The following RRAS2 variants were observed in gnomAD, a reference collection of about 807,000 sequenced individuals.
RRAS2 encodes the protein RAS related 2.
RRAS2 carries 7 observed loss-of-function variants against 27.6 expected under a neutral mutation model. That is an observed-to-expected ratio of 0.25 (90% CI 0.14 to 0.48). RRAS2 has a LOEUF of 0.48. RRAS2 is among the 20% of genes least tolerant of loss of function. The pLI is 0.99. For missense variants in RRAS2, 178 were observed against 256.2 expected (o/e 0.69, Z 2.08); for synonymous variants, 86 against 90.9 (o/e 0.95, Z 0.31).
chr11:14,339,993 C>T (rs1848668363), intron 1 of RRAS2, among the ~76,000 whole-genome samples: 1 of 151,638 alleles, frequency 6.6e-6, no homozygotes. Flanking sequence ...GTGGTGCAGG[C>T]CAGTGGTCCC....
rs532206034 is a variant in RRAS2, at chr11:14,348,700, A to G, written c.108+10063T>C. On this transcript the variant is annotated intron_variant, in intron 1 of 5. Coordinates refer to ENST00000256196, the MANE Select transcript of RRAS2 (RefSeq NM_012250.6). The stretch of plus-strand genomic sequence containing the variant: ...TCCCCATCATTTTACCTTTTTGAGC[A>G]CTCCCTTATGAGACTACAAGATGCT... Among the ~76,000 whole-genome samples the G allele has an allele frequency of 2.0e-5, 3 of 151,850 alleles. No individual in the cohort carries two copies. The East Asian group carries it at 5.8e-4, about 29-fold the overall frequency.
chr11:14,342,733 T>A (rs1554953432), intron 1 of RRAS2, among the ~76,000 whole-genome samples: 1 of 152,222 alleles, frequency 6.6e-6, no homozygotes, highest in East Asian at 1.9e-4. Context: ...CCTAGTTTCA[T>A]TATCTAGATA....
chr11:14,364,208 T>A (rs148223307), intron 1 of RRAS2, among the ~76,000 whole-genome samples: 1 of 152,212 alleles, frequency 6.6e-6, no homozygotes, highest in Admixed American at 6.5e-5. Context: ...TCATAATCTT[T>A]ACAAACCAAT....
intron 1 of RRAS2, among the ~76,000 whole-genome samples, chr11:14,340,605 T>C (rs990151094): frequency 1.3e-5 from 2 of 152,154 alleles, no homozygotes; most frequent in Admixed American, 6.5e-5. Context: ...AACTAAACCA[T>C]GCTAGAAGCA....
intron 1 of RRAS2, among the ~76,000 whole-genome samples, chr11:14,310,712 T>C: frequency 6.6e-6 from 1 of 152,182 alleles, no homozygotes; most frequent in Non-Finnish European, 1.5e-5. Flanking sequence ...TCAAAGAGGA[T>C]GCTAATAATA....
chr11:14,291,522 T>C (rs1243781827), intron 4 of RRAS2, among the ~76,000 whole-genome samples: 2 of 152,206 alleles, frequency 1.3e-5, no homozygotes, highest in East Asian at 1.9e-4. Context: ...CTTTTCAAGA[T>C]ATACATAATT....
At chr11:14,281,526 T>C in intron 5 of RRAS2, 76 bp downstream of exon 5, 2 of 1,194,602 alleles carry the variant, frequency 1.7e-6, no homozygotes, top group Non-Finnish European at 2.3e-6. Flanking sequence ...AGGAATCACT[T>C]CCATATAAAA....
chr11:14,288,725 T>A (rs548221737), intron 4 of RRAS2, among the ~76,000 whole-genome samples: 1 of 152,242 alleles, frequency 6.6e-6, no homozygotes, highest in African/African-American at 2.4e-5. Flanking sequence ...AAGACTCAGT[T>A]CAAAAACACA....
chr11:14,281,214 C>T (rs1849525340), intron 5 of RRAS2, among the ~76,000 whole-genome samples: 1 of 152,148 alleles, frequency 6.6e-6, no homozygotes, highest in Non-Finnish European at 1.5e-5. Flanking sequence ...TTTCTCTGTA[C>T]CCCCATTTTC....
intron 4 of RRAS2, among the ~76,000 whole-genome samples, chr11:14,283,999 A>G (rs1314976964): frequency 6.6e-6 from 1 of 152,034 alleles, no homozygotes; most frequent in Non-Finnish European, 1.5e-5. Context: ...ACACTCTGCC[A>G]GTTTTTCTTT....
At position 14,278,668 on chromosome 11, in the gene RRAS2, AAAT is replaced by A. The variant is rs1849438702; in HGVS notation, c.*666_*668del. On this transcript the variant is annotated 3_prime_UTR_variant, in exon 6 of 6. Coordinates refer to ENST00000256196, the MANE Select transcript of RRAS2 (RefSeq NM_012250.6). ...TTAAATTAAAAAATCAAGTACACTG[AAAT>A]ATCTAAGTCCTAAATGAGTCCAAAT... is the stretch of plus-strand genomic sequence containing the variant. 8 of 152,398 alleles carry A rather than the reference AAAT, an allele frequency of 5.2e-5. No individual in the cohort carries two copies. The South Asian group carries it at 1.7e-3, about 32-fold the overall frequency. 9.4% of individuals were successfully genotyped at this position (152,398 alleles called of 1,614,324 possible).
intron 1 of RRAS2, among the ~76,000 whole-genome samples, chr11:14,333,546 G>A (rs1429066119): frequency 1.3e-5 from 2 of 152,108 alleles, no homozygotes; most frequent in East Asian, 3.8e-4. Context: ...CTCTTAGCTT[G>A]TGTCCTGTTT....
At chr11:14,349,350 A>AG (rs1390707515) in intron 1 of RRAS2, among the ~76,000 whole-genome samples, 2 of 143,858 alleles carry the variant, frequency 1.4e-5, no homozygotes, top group Admixed American at 7.0e-5. Context: ...TTTAGTAAAG[A>AG]GGGGGGTTTC....
chr11:14,281,768 T>G (rs782199572), intron 4 of RRAS2, 48 bp from the exon 5 acceptor site: 27 of 1,461,616 alleles, frequency 1.8e-5, no homozygotes, highest in Non-Finnish European at 2.3e-5. Flanking sequence ...ACAACTGGAT[T>G]TGTTCCATCT....
Position 14,327,055 on chromosome 11 carries a change from T to C in RRAS2, c.109-31200A>G, listed in dbSNP as rs1351062947. On this transcript the variant is annotated intron_variant, in intron 1 of 5. Coordinates refer to ENST00000256196, the MANE Select transcript of RRAS2 (RefSeq NM_012250.6). ...CAGCCTGGGCAACAGAGCGAGACTC[T>C]GTCTCAAAAAAAAAAAAAAAAAAAA... Among the ~76,000 whole-genome samples the C allele has an allele frequency of 2.9e-4, 3 of 10,510 alleles. 1 individual carries two copies. Among genetic ancestry groups the C allele is most frequent in the Non-Finnish European group, 1.2e-3 (3 of 2,592 alleles). 6.9% of individuals were successfully genotyped at this position (10,510 alleles called of 152,430 possible).
At chr11:14,282,334 C>T (rs1554944446) in intron 4 of RRAS2, among the ~76,000 whole-genome samples, 1 of 152,172 alleles carries the variant, frequency 6.6e-6, no homozygotes, top group African/African-American at 2.4e-5. Context: ...ACAGGTGACA[C>T]TCATCAATAT....
intron 4 of RRAS2, among the ~76,000 whole-genome samples, chr11:14,289,150 C>T (rs763980109): frequency 6.6e-6 from 1 of 152,150 alleles, no homozygotes; most frequent in Non-Finnish European, 1.5e-5. Flanking sequence ...TCCTAGGAGG[C>T]TGTAGGGGGC....
chr11:14,359,162 G>T lies in RRAS2; in HGVS notation c.-292C>A. The T allele has an allele frequency of 3.0e-6, 3 of 1,012,358 alleles. No homozygotes were observed. The highest frequency in any genetic ancestry group is 3.5e-6 in the Non-Finnish European group (3 of 848,312). 62.7% of individuals were successfully genotyped at this position (1,012,358 alleles called of 1,614,324 possible). ...CAGCGCCTGCCGAACGCAGCCTCCA[G>T]CGCCGCCACAAATGGCCGTCTGGGG... On this transcript the variant is annotated 5_prime_UTR_variant, in exon 1 of 6. It adds an upstream start codon to the 5' untranslated region. Coordinates refer to ENST00000256196, the MANE Select transcript of RRAS2 (RefSeq NM_012250.6).
chr11:14,337,530 G>A (rs1213702086), intron 1 of RRAS2, among the ~76,000 whole-genome samples: 9 of 152,076 alleles, frequency 5.9e-5, no homozygotes, highest in Non-Finnish European at 1.3e-4. Flanking sequence ...TAAGAATATA[G>A]AACAAAAAGA....
Sources: allele counts gnomAD v4.1 joint callset (sites outside exome capture counted in the v4.1 genomes callset), GRCh38; gene constraint gnomAD v4.1.1; transcripts MANE v1.5; gene names NCBI Gene and HGNC (gene_info 2026-07-23, HGNC 2026-07-21).